The following FAF2 variants were observed in gnomAD, a reference collection of about 807,000 sequenced individuals.
The protein encoded by FAF2 is Fas associated factor family member 2, also known as FAS-associated factor 2.
A neutral mutation model predicts 62.3 loss-of-function variants in FAF2; 9 were observed. That is an observed-to-expected ratio of 0.14 (90% CI 0.09 to 0.25). The LOEUF (loss-of-function observed/expected upper bound fraction) is 0.25, where lower values mean the gene tolerates loss of function less well. Among genes scored for constraint, FAF2 ranks in the 10% least tolerant of loss-of-function variants. The pLI is 1.00. For missense variants in FAF2, 368 were observed against 556.2 expected, an observed-to-expected ratio of 0.66 and a Z score of 3.40; for synonymous variants, 202 against 198.0, an observed-to-expected ratio of 1.02 and a Z score of -0.17.
chr5:176,469,829 TAA>T (rs1758527315), intron 1 of FAF2, among the ~76,000 whole-genome samples: 1 of 152,194 alleles, frequency 6.6e-6, no homozygotes, highest in South Asian at 2.1e-4. Flanking sequence ...AAGAGTGTAT[TAA>T]GTTTATGAAG....
intron 10 of FAF2, among the ~76,000 whole-genome samples, chr5:176,505,567 G>A (rs531384198): frequency 1.2e-4 from 19 of 152,086 alleles, no homozygotes; most frequent in Non-Finnish European, 2.6e-4. Flanking sequence ...CCCATCACCC[G>A]AGCAGTATAC....
chr5:176,497,762 T>A (rs1755523424), intron 8 of FAF2, among the ~76,000 whole-genome samples: 2 of 152,310 alleles, frequency 1.3e-5, no homozygotes, highest in Non-Finnish European at 2.9e-5. Flanking sequence ...GCTCTTGATT[T>A]GTAATGCCAA....
intron 1 of FAF2, among the ~76,000 whole-genome samples, chr5:176,461,457 A>G (rs567667938): frequency 4.6e-5 from 7 of 151,404 alleles, no homozygotes; most frequent in Non-Finnish European, 7.4e-5. Flanking sequence ...AGCTGGGACT[A>G]CAGGTGTACA....
At chr5:176,454,740 A>G (rs753628991) in intron 1 of FAF2, among the ~76,000 whole-genome samples, 5 of 152,130 alleles carry the variant, frequency 3.3e-5, no homozygotes, top group Non-Finnish European at 7.3e-5. Context: ...TGTCTTCTGC[A>G]TACACAGCTT....
At chr5:176,472,095 G>A (rs1758581132) in intron 1 of FAF2, among the ~76,000 whole-genome samples, 1 of 151,964 alleles carries the variant, frequency 6.6e-6, no homozygotes, top group Admixed American at 6.6e-5. Context: ...GGATTGGAGG[G>A]TCCAGACATC....
intron 1 of FAF2, among the ~76,000 whole-genome samples, chr5:176,464,738 G>T (rs1399658736): frequency 1.3e-5 from 2 of 151,318 alleles, no homozygotes; most frequent in African/African-American, 4.9e-5. Context: ...TTCTTCAAGG[G>T]ATATTAGTTT....
chr5:176,491,496 T>A (rs1758969783), intron 4 of FAF2, among the ~76,000 whole-genome samples: 1 of 152,202 alleles, frequency 6.6e-6, no homozygotes, highest in Non-Finnish European at 1.5e-5. Context: ...AAGTAAGTCA[T>A]AACCGCAACT....
intron 1 of FAF2, among the ~76,000 whole-genome samples, chr5:176,478,013 G>A (rs1758732812): frequency 6.6e-6 from 1 of 152,138 alleles, no homozygotes; most frequent in Non-Finnish European, 1.5e-5. Flanking sequence ...TACAGAATAG[G>A]CATGTAGCAC....
chr5:176,477,232 A>C (rs998344607), intron 1 of FAF2, among the ~76,000 whole-genome samples: 10 of 118,844 alleles, frequency 8.4e-5, no homozygotes, highest in South Asian at 3.0e-4. Flanking sequence ...GGCATGAGCC[A>C]CCGTGCCCGG....
rs1371770869 is a variant in FAF2 at position 176,462,625 on chromosome 5, AAAAAT to A, written c.63+14167_63+14171del. Among the ~76,000 whole-genome samples the A allele has an allele frequency of 7.9e-5, 12 of 152,348 alleles. No homozygotes were observed. In the East Asian group the frequency reaches 2.1e-3, roughly 27 times the overall value. ...ACGACAGAGCAAGACTCCGTCTCAA[AAAAAT>A]AAAATAAAATAGATGTTTAATAAAT... On this transcript the variant is annotated intron_variant, in intron 1 of 10. Coordinates refer to ENST00000261942, the MANE Select transcript of FAF2 (RefSeq NM_014613.3).
At chr5:176,472,227 A>C (rs745805225) in intron 1 of FAF2, among the ~76,000 whole-genome samples, 1 of 151,356 alleles carries the variant, frequency 6.6e-6, no homozygotes, top group Non-Finnish European at 1.5e-5. Context: ...GCTCACTGCA[A>C]CCTCCGTCTC....
At chr5:176,455,393 G>C (rs569297204) in intron 1 of FAF2, among the ~76,000 whole-genome samples, 1 of 152,262 alleles carries the variant, frequency 6.6e-6, no homozygotes, top group East Asian at 1.9e-4. Context: ...AGGCTGCAGT[G>C]GGCTGTGATT....
intron 1 of FAF2, among the ~76,000 whole-genome samples, chr5:176,472,153 C>T (rs951042292): frequency 1.3e-5 from 2 of 151,064 alleles, no homozygotes; most frequent in Admixed American, 1.3e-4. Context: ...TTTTTTGAAA[C>T]AGAGTCTCAC....
At chr5:176,503,688 C>CG (rs1561829741) in intron 10 of FAF2, among the ~76,000 whole-genome samples, 1 of 152,006 alleles carries the variant, frequency 6.6e-6, no homozygotes. Flanking sequence ...AAAAGGGGTA[C>CG]GCTGCAGAAA....
rs747282337 is a variant in FAF2, at chr5:176,486,448, C to G, written c.226C>G (p.His76Asp). Reference sequence around the variant, plus strand: ...ACCCCTGCAGGTTAATACAGCTGACCACAGGATCTACAGCTATGTTGTCTC... The same window carrying G: ...ACCCCTGCAGGTTAATACAGCTGACGACAGGATCTACAGCTATGTTGTCTC... ...SRPLQVNTAD[H>D]RIYSYVVSRP... is the part of the protein sequence containing the mutation. Residue 76 changes from histidine to aspartate, a missense_variant, in exon 3 of 11, where the codon CAC becomes GAC. By Grantham distance (81) the His-to-Asp change is moderately conservative. Coordinates refer to ENST00000261942, the MANE Select transcript of FAF2 (RefSeq NM_014613.3). 6.2e-7 allele frequency: 1 copy of G among 1,614,002 alleles called. No individual in the cohort carries two copies. Among genetic ancestry groups the G allele is most frequent in the African/African-American group, 1.3e-5 (1 of 74,918 alleles).
At chr5:176,493,039 G>T (rs1255033483) in intron 5 of FAF2, among the ~76,000 whole-genome samples, 1 of 152,144 alleles carries the variant, frequency 6.6e-6, no homozygotes, top group African/African-American at 2.4e-5. Flanking sequence ...TTCTGTGGGT[G>T]TTTGGTATAT....
rs1021207640 is a variant in FAF2 at position 176,463,882 on chromosome 5, A to C, written c.64-15306A>C. On this transcript the variant is annotated intron_variant, in intron 1 of 10. Coordinates refer to ENST00000261942, the MANE Select transcript of FAF2 (RefSeq NM_014613.3). ...GTAGCTAGGATTACAGGTGCTCACC[A>C]CCACACCTGGCTAATTTTTGTAGTT... is the stretch of plus-strand genomic sequence containing the variant. 4.6e-5 allele frequency among the ~76,000 whole-genome samples: 7 copies of C among 151,892 alleles called. No individual in the cohort carries two copies. The East Asian group carries it at 9.6e-4, about 21-fold the overall frequency.
At position 176,494,097 on chromosome 5, in the gene FAF2, A is replaced by AG. The variant is rs1759021176; in HGVS notation, c.569+13_569+14insG. ...ATGAGTTTTGTCGGTAAGTGGATTGATTATTTTCCTTCTCTTTTCTGACTC... is the reference window on the plus strand; with the variant it reads ...ATGAGTTTTGTCGGTAAGTGGATTGAGTTATTTTCCTTCTCTTTTCTGACTC... On this transcript the variant is annotated intron_variant, in intron 6 of 10. Coordinates refer to ENST00000261942, the MANE Select transcript of FAF2 (RefSeq NM_014613.3). The surrounding 1 kb of genome is among the most constrained non-coding windows in gnomAD (Gnocchi z 4.0). The AG allele has an allele frequency of 1.2e-6, 2 of 1,612,848 alleles. No individual in the cohort carries two copies.
chr5:176,454,144 G>A (rs1369719257), intron 1 of FAF2, among the ~76,000 whole-genome samples: 1 of 151,006 alleles, frequency 6.6e-6, no homozygotes, highest in Non-Finnish European at 1.5e-5. Flanking sequence ...CATAATCTCA[G>A]CACTTTGGGA....
Sources: gnomAD v4.1 joint callset for allele counts (sites outside exome capture counted in the v4.1 genomes callset) on GRCh38, gnomAD v4.1.1 for gene constraint, Gnocchi (gnomAD v3.1) non-coding constraint, MANE v1.5 for transcripts, NCBI Gene and HGNC (gene_info 2026-07-23, HGNC 2026-07-21) for gene names.